Variants in RNF213 observed in about 807,000 individuals in gnomAD.
RNF213 encodes the protein ring finger protein 213.
A neutral mutation model predicts 514.4 loss-of-function variants in RNF213; 341 were observed. The observed-to-expected ratio is 0.66, with a 90% CI of 0.61 to 0.73. The LOEUF (loss-of-function observed/expected upper bound fraction) is 0.73, where lower values mean the gene tolerates loss of function less well. Among genes scored for constraint, RNF213 ranks in the 30% least tolerant of loss-of-function variants. The pLI is 0.00. For synonymous variants in RNF213, 2,655 were observed against 2,658.2 expected (o/e 1.00, Z 0.04); for missense variants, 5,767 against 6,615.6 (o/e 0.87, Z 4.45).
In RNF213 at chr17:80,364,486, T is replaced by C; in HGVS notation, c.11804T>C (p.Leu3935Pro). ...GCACTCTTCGTGGAGCACGTGCTCC[T>C]AGGAACCGAGAGCCGCGTCCCCGAG... is the stretch of plus-strand genomic sequence containing the variant. ...STALFVEHVL[L>P]GTESRVPELQ... Residue 3935 changes from leucine to proline, a missense_variant, in exon 42 of 68, where the codon CTA becomes CCA. Coordinates refer to ENST00000582970, the MANE Select transcript of RNF213 (RefSeq NM_001256071.3). 1 of 1,614,044 alleles carries C rather than the reference T, an allele frequency of 6.2e-7. No individual in the cohort carries two copies. The highest frequency in any genetic ancestry group is 8.5e-7 in the Non-Finnish European group (1 of 1,179,988).
At position 80,344,549 on chromosome 17, in the gene RNF213, A is replaced by G. The variant is rs567235127; in HGVS notation, c.6343-129A>G. The G allele has an allele frequency of 1.9e-4, 190 of 1,017,458 alleles. No individual in the cohort carries two copies. The South Asian group carries it at 2.5e-3, about 13-fold the overall frequency. The allele number at this position is 1,017,458 out of a possible 1,614,324, so 63.0% of individuals were successfully genotyped here. ...TGCTGTGGAAAAAAAGACTATACAG[A>G]AAGCTACATATTTTCAGTGCGTTTT... On this transcript the variant is annotated intron_variant, in intron 28 of 67. Coordinates refer to ENST00000582970, the MANE Select transcript of RNF213 (RefSeq NM_001256071.3).
chr17:80,396,729 C>T lies in RNF213; in HGVS notation c.*3231C>T, dbSNP rs571137538. The T allele has an allele frequency of 3.6e-5, 1 of 27,508 alleles. No homozygotes were observed. The allele number at this position is 27,508 out of a possible 1,614,324, so 1.7% of individuals were successfully genotyped here. Reference sequence around the variant, plus strand: ...ACAAGCGCCAGGAAAGTGCATTTCCCCCCCACCCCCCCCCCCCAACCAGAG... The same window carrying T: ...ACAAGCGCCAGGAAAGTGCATTTCCTCCCCACCCCCCCCCCCCAACCAGAG... On this transcript the variant is annotated 3_prime_UTR_variant, in exon 68 of 68. Transcript: ENST00000582970.
At chr17:80,300,496 G>A (rs1383816594) in intron 11 of RNF213, among the ~76,000 whole-genome samples, 18 of 151,872 alleles carry the variant, frequency 1.2e-4, no homozygotes, top group Admixed American at 1.2e-3. Context: ...CACCTGCCTC[G>A]GCCTCCCAAA....
rs917763830 is a variant in RNF213, at chr17:80,389,428, C to A, written c.15195+61C>A. The A allele has an allele frequency of 2.0e-6, 3 of 1,487,914 alleles. No individual in the cohort carries two copies. In the South Asian group the frequency reaches 3.5e-5, roughly 17 times the overall value. 92.2% of individuals were successfully genotyped at this position (1,487,914 alleles called of 1,614,324 possible). A position where few individuals can be genotyped will look rare whatever the true frequency, so the allele number is the denominator to read the frequency against. On this transcript the variant is annotated intron_variant, in intron 65 of 67. Coordinates refer to ENST00000582970, the MANE Select transcript of RNF213 (RefSeq NM_001256071.3). ...CCTCACCCTGGTCTCCTGCTTCCCG[C>A]GAGGGATAGGAGCATTCAGGGAGTG...
At chr17:80,292,030 T>A (rs2044748913) in intron 8 of RNF213, 1 of 648,848 alleles carries the variant, frequency 1.5e-6, no homozygotes, top group East Asian at 2.8e-5. Context: ...TGTGTTGGCT[T>A]CTCCTTTGAG....
chr17:80,364,618 C>T (rs1487344863), intron 42 of RNF213, 65 bp downstream of exon 42: 2 of 1,603,820 alleles, frequency 1.2e-6, no homozygotes, highest in East Asian at 4.5e-5. Context: ...AAGAACAGCA[C>T]TGACAGTGAT....
At chr17:80,299,829 C>G (rs2143476680) in intron 11 of RNF213, among the ~76,000 whole-genome samples, 1 of 152,114 alleles carries the variant, frequency 6.6e-6, no homozygotes, top group East Asian at 1.9e-4. Flanking sequence ...GTTCTCGTTC[C>G]TGAGTTAATT....
chr17:80,277,345 C>T (rs1374484949), intron 3 of RNF213, among the ~76,000 whole-genome samples: 2 of 152,020 alleles, frequency 1.3e-5, no homozygotes, highest in Non-Finnish European at 2.9e-5. Context: ...CACCTGTAAT[C>T]CCAGCACATT....
chr17:80,383,986 C>T, intron 59 of RNF213, 58 bp downstream of exon 59: 1 of 1,603,652 alleles, frequency 6.2e-7, no homozygotes, highest in Non-Finnish European at 8.5e-7. Flanking sequence ...CCCAGCAGGC[C>T]TGAAGGCCCT....
chr17:80,299,287 G>C (rs1016345014), intron 11 of RNF213, among the ~76,000 whole-genome samples: 1 of 152,142 alleles, frequency 6.6e-6, no homozygotes, highest in East Asian at 1.9e-4. Flanking sequence ...ACATTTGGTT[G>C]GTTGTGCAGT....
At chr17:80,311,611 C>T (rs1339189040) in intron 14 of RNF213, among the ~76,000 whole-genome samples, 1 of 152,238 alleles carries the variant, frequency 6.6e-6, no homozygotes, top group African/African-American at 2.4e-5. Flanking sequence ...TGTATCTTCC[C>T]GCCCTGGCCC....
chr17:80,382,918 T>G (rs1345312653), intron 57 of RNF213, 61 bp from the exon 58 acceptor site: 2 of 977,456 alleles, frequency 2.0e-6, no homozygotes, highest in Non-Finnish European at 3.3e-6. Context: ...GGGTTTATTA[T>G]ACGCAGACTG....
intron 3 of RNF213, among the ~76,000 whole-genome samples, chr17:80,278,054 G>A (rs1396588873): frequency 1.3e-5 from 2 of 152,200 alleles, no homozygotes; most frequent in Admixed American, 6.5e-5. Context: ...TGTCCTTTGT[G>A]CATTCTTCCT....
Position 80,346,690 on chromosome 17 carries a change from C to T in RNF213, c.8355C>T (p.Ala2785=). 1 of 1,611,246 alleles carries T rather than the reference C, an allele frequency of 6.2e-7. No individual in the cohort carries two copies. Among genetic ancestry groups the T allele is most frequent in the Non-Finnish European group, 8.5e-7 (1 of 1,179,982 alleles). ...TCGCCAAGACCATCGTGGCAGACGC[C>T]ATGCAGGGCCCGGCTGCCTACTCAG... ...KSLAKTIVAD[A]MQGPAAYSDL... is the part of the protein sequence containing the mutation. Residue 2785 remains alanine, a synonymous_variant, in exon 29 of 68, where the codon GCC becomes GCT. Transcript: ENST00000582970. The surrounding 1 kb of genome is among the most constrained non-coding windows in gnomAD (Gnocchi z 8.1).
chr17:80,290,734 C>T lies in RNF213; in HGVS notation c.1271+6C>T, dbSNP rs779905324. The T allele has an allele frequency of 1.9e-5, 31 of 1,613,764 alleles. No homozygotes were observed. Among genetic ancestry groups the T allele is most frequent in the African/African-American group, 4.0e-5 (3 of 74,842 alleles). ...TGTGAGCTGCACTACACCAGGTGAGCGTGTCTGTAGGCTTGGGAGGAATCC... is the reference window on the plus strand; with the variant it reads ...TGTGAGCTGCACTACACCAGGTGAGTGTGTCTGTAGGCTTGGGAGGAATCC... On this transcript the variant is annotated splice_donor_region_variant and intron_variant, in intron 7 of 67. Transcript: ENST00000582970.
chr17:80,275,715 G>A (rs1271969340), intron 3 of RNF213, among the ~76,000 whole-genome samples: 2 of 151,914 alleles, frequency 1.3e-5, no homozygotes, highest in African/African-American at 4.8e-5. Context: ...AGGCTGGAGT[G>A]CAGTGGCGCC....
At chr17:80,331,773 C>A (rs2143969188) in intron 20 of RNF213, among the ~76,000 whole-genome samples, 1 of 152,250 alleles carries the variant, frequency 6.6e-6, no homozygotes, top group Middle Eastern at 3.4e-3. Flanking sequence ...TGCGTGTTTT[C>A]CCACTGCCAT....
In RNF213 at chr17:80,339,675, T is replaced by C. The variant is rs946960580; in HGVS notation, c.5308T>C (p.Ser1770Pro). The C allele has an allele frequency of 1.8e-5, 28 of 1,537,180 alleles. No individual in the cohort carries two copies. Among genetic ancestry groups the C allele is most frequent in the East Asian group, 2.4e-5 (1 of 40,898 alleles). ...GGAAGAGCTCCCGCTGATGCTCTTA[T>C]CAGAGTTCAGCCTGGTGGACAAGCT... ...VMEELPLMLLSEFSLVDKLRI... is the reference protein window; with the variant it reads ...VMEELPLMLLPEFSLVDKLRI... Residue 1770 changes from serine to proline, a missense_variant, in exon 26 of 68, where the codon TCA (serine) becomes CCA (proline). Coordinates refer to ENST00000582970, the MANE Select transcript of RNF213 (RefSeq NM_001256071.3).
chr17:80,275,457 A>G (rs1490615123), intron 3 of RNF213, among the ~76,000 whole-genome samples: 1 of 151,960 alleles, frequency 6.6e-6, no homozygotes, highest in African/African-American at 2.4e-5. Flanking sequence ...AAAGCTAAGA[A>G]TTGAGTTACT....
Sources: gnomAD v4.1 joint callset for allele counts (sites outside exome capture counted in the v4.1 genomes callset) on GRCh38, gnomAD v4.1.1 for gene constraint, Gnocchi (gnomAD v3.1) non-coding constraint, MANE v1.5 for transcripts, NCBI Gene and HGNC (gene_info 2026-07-23, HGNC 2026-07-21) for gene names.